The following ERLIN2 variants were observed in gnomAD, a reference collection of about 807,000 sequenced individuals.
ERLIN2 encodes ER lipid raft associated 2, also known as erlin-2.
In ERLIN2, 22 loss-of-function variants were observed where a neutral mutation model predicts 41.5. The observed-to-expected ratio is 0.53, with a 90% confidence interval of 0.38 to 0.76. ERLIN2 has a LOEUF of 0.76. ERLIN2 is among the 30% of genes least tolerant of loss of function. The pLI is 0.00. For missense variants in ERLIN2, 247 were observed against 414.3 expected (o/e 0.60, Z 3.51); for synonymous variants, 149 against 150.9 (o/e 0.99, Z 0.09).
chr8:37,739,394 G>A (rs1038095214), intron 2 of ERLIN2, among the ~76,000 whole-genome samples: 1 of 152,192 alleles, frequency 6.6e-6, no homozygotes, highest in African/African-American at 2.4e-5. Context: ...CATTAGTGCA[G>A]GTAGTTGATA....
chr8:37,741,926 T>C lies in ERLIN2; in HGVS notation c.236+108T>C, dbSNP rs970906732. 2.2e-5 allele frequency: 18 copies of C among 829,070 alleles called. No homozygotes were observed. In the African/African-American group the frequency reaches 3.0e-4, roughly 14 times the overall value. The allele number at this position is 829,070 out of a possible 1,614,324, so 51.4% of individuals were successfully genotyped here. ...AAGGGAGGCACCCTTTCTTGGTTAA[T>C]TCCCTGTCTCGTAGCTCCCTATATT... On this transcript the variant is annotated intron_variant, in intron 4 of 11. Coordinates refer to ENST00000519638, the MANE Select transcript of ERLIN2 (RefSeq NM_007175.8). The surrounding 1 kb of genome is among the most constrained non-coding windows in gnomAD (Gnocchi z 4.8).
chr8:37,756,518 A>G lies in ERLIN2; in HGVS notation c.*2403A>G, dbSNP rs1803363223. 1 of 152,642 alleles carries G rather than the reference A, an allele frequency of 6.6e-6. No homozygotes were observed. Among genetic ancestry groups the G allele is most frequent in the Non-Finnish European group, 1.5e-5 (1 of 68,058 alleles). The allele number at this position is 152,642 out of a possible 1,614,324, so 9.5% of individuals were successfully genotyped here. ...GCACAGAAGAGCCTCAGTAGAGTCA[A>G]GTCCTGCTGCAGCTGCCCCACCCCA... is the stretch of plus-strand genomic sequence containing the variant. On this transcript the variant is annotated 3_prime_UTR_variant, in exon 12 of 12. Transcript: ENST00000519638.
chr8:37,749,594 C>G lies in ERLIN2; in HGVS notation c.460C>G (p.Gln154Glu). The G allele has an allele frequency of 6.2e-7, 1 of 1,613,882 alleles. No homozygotes were observed. Among genetic ancestry groups the G allele is most frequent in the Non-Finnish European group, 8.5e-7 (1 of 1,179,738 alleles). ...TGAAAATCTCAAACTGGCTTTGCAA[C>G]AGGACCTGACCTCCATGGCCCCTGG... is the stretch of plus-strand genomic sequence containing the variant. Reference protein sequence around the residue: ...IDENLKLALQQDLTSMAPGLV... With the variant: ...IDENLKLALQEDLTSMAPGLV... Residue 154 changes from glutamine (Q) to glutamate (E), a missense_variant, in exon 7 of 12, where the codon CAG (glutamine) becomes GAG (glutamate). Coordinates refer to ENST00000519638, the MANE Select transcript of ERLIN2 (RefSeq NM_007175.8).
Position 37,755,570 on chromosome 8 carries a change from C to CCCCCCCCCCCCCA in ERLIN2, c.*1466_*1467insCACCCCCCCCCCC, listed in dbSNP as rs1563319228. On this transcript the variant is annotated 3_prime_UTR_variant, in exon 12 of 12. Transcript: ENST00000519638. ...GCTGACCCCCACCCCCCACCCCCCA[C>CCCCCCCCCCCCCA]CCCCCCCCCCCGCCAACTCCTATAC... 3.2e-4 allele frequency: 2 copies of CCCCCCCCCCCCCA among 6,154 alleles called. No homozygotes were observed. Among genetic ancestry groups the CCCCCCCCCCCCCA allele is most frequent in the Admixed American group, 8.9e-4 (1 of 1,122 alleles). The allele number at this position is 6,154 out of a possible 1,614,324, so 0.4% of individuals were successfully genotyped here. A position where few individuals can be genotyped will look rare whatever the true frequency, so the allele number is the denominator to read the frequency against.
At chr8:37,748,205 G>A (rs1165720081) in intron 6 of ERLIN2, among the ~76,000 whole-genome samples, 1 of 152,206 alleles carries the variant, frequency 6.6e-6, no homozygotes, top group African/African-American at 2.4e-5. Flanking sequence ...TTTCCGGTAA[G>A]CTACTAGCCC....
Position 37,737,942 on chromosome 8 carries a change from T to A in ERLIN2, c.20T>A (p.Val7Asp). The A allele has an allele frequency of 1.9e-6, 3 of 1,614,200 alleles. No individual in the cohort carries two copies. Among genetic ancestry groups the A allele is most frequent in the Non-Finnish European group, 2.5e-6 (3 of 1,180,016 alleles). Residue 7 changes from valine to aspartate, a missense_variant, in exon 2 of 12, where the codon GTT (valine) becomes GAT (aspartate). Physicochemically the swap from Val to Asp is radical, Grantham distance 152. Transcript: ENST00000519638. ...TCACTGATGGCTCAGTTGGGAGCAG[T>A]TGTGGCTGTGGCTTCCAGTTTCTTT... MAQLGA[V>D]VAVASSFFCA... is the part of the protein sequence containing the mutation.
In ERLIN2 at chr8:37,747,957, G is replaced by T. The variant is rs760500284; in HGVS notation, c.425-1602G>T. 2.5e-6 allele frequency: 4 copies of T among 1,614,164 alleles called. No homozygotes were observed. The Admixed American group carries it at 5.0e-5, about 20-fold the overall frequency. The stretch of plus-strand genomic sequence containing the variant: ...TCTCGCCGTCGTCATATTCCTCCCG[G>T]TCCCGAGTGTCAGAGCAGACTACTG... On this transcript the variant is annotated intron_variant, in intron 6 of 11. Transcript: ENST00000519638.
intron 1 of ERLIN2, 53 bp downstream of exon 1, chr8:37,736,731 G>A (rs1205587851): frequency 1.0e-6 from 1 of 985,634 alleles, no homozygotes; most frequent in African/African-American, 1.7e-5. Flanking sequence ...GCCGCTCAGG[G>A]TCGGGGCTGA....
At position 37,740,845 on chromosome 8, in the gene ERLIN2, A is replaced by G. The variant is rs1208490973; in HGVS notation, c.189+399A>G. 2.0e-5 allele frequency: 3 copies of G among 152,756 alleles called. No individual in the cohort carries two copies. In the East Asian group the frequency reaches 5.7e-4, roughly 29 times the overall value. The allele number at this position is 152,756 out of a possible 1,614,324, so 9.5% of individuals were successfully genotyped here. A position where few individuals can be genotyped will look rare whatever the true frequency, so the allele number is the denominator to read the frequency against. On this transcript the variant is annotated intron_variant, in intron 3 of 11. Transcript: ENST00000519638. The stretch of plus-strand genomic sequence containing the variant: ...GAGTGGGGAGGAGTTAAACTAAGTG[A>G]GGGGAGGTGACATCTAAAATAGGAG...
chr8:37,746,847 A>G (rs971881772), intron 6 of ERLIN2, among the ~76,000 whole-genome samples: 1 of 152,232 alleles, frequency 6.6e-6, no homozygotes, highest in Admixed American at 6.5e-5. Flanking sequence ...GAAAGATTCA[A>G]ACCACAACCA....
intron 9 of ERLIN2, among the ~76,000 whole-genome samples, chr8:37,750,719 A>G (rs1389152684): frequency 6.6e-6 from 1 of 151,806 alleles, no homozygotes; most frequent in Non-Finnish European, 1.5e-5. Context: ...CCACCTGTTA[A>G]TTCTTTCTTT....
At chr8:37,738,149 C>A in intron 2 of ERLIN2, 120 bp downstream of exon 2, 1 of 1,148,486 alleles carries the variant, frequency 8.7e-7, no homozygotes, top group Non-Finnish European at 1.3e-6. Context: ...ATAGGGGAGC[C>A]TTTTCAGATG....
intron 6 of ERLIN2, chr8:37,747,495 C>T (rs182623901): frequency 1.2e-6 from 2 of 1,612,326 alleles, no homozygotes; most frequent in African/African-American, 1.3e-5. Flanking sequence ...CTTCCCTAGC[C>T]TCAATCTCCT....
rs984382515 is a variant in ERLIN2, at chr8:37,756,693, GTTTTTA to G, written c.*2583_*2588del. 6.6e-6 allele frequency: 1 copy of G among 152,548 alleles called. No homozygotes were observed. The highest frequency in any genetic ancestry group is 6.5e-5 in the Admixed American group (1 of 15,270). 9.4% of individuals were successfully genotyped at this position (152,548 alleles called of 1,614,324 possible). A position where few individuals can be genotyped will look rare whatever the true frequency, so the allele number is the denominator to read the frequency against. The stretch of plus-strand genomic sequence containing the variant: ...ACAACTAACCTGTCTGTGTAACTTT[GTTTTTA>G]TTTTAACTCTTACTAGAAAATCTAA... On this transcript the variant is annotated 3_prime_UTR_variant, in exon 12 of 12. Transcript: ENST00000519638.
At position 37,749,548 on chromosome 8, in the gene ERLIN2, C is replaced by T. The variant is rs1474715198; in HGVS notation, c.425-11C>T. The T allele has an allele frequency of 1.2e-6, 2 of 1,605,564 alleles. No individual in the cohort carries two copies. The highest frequency in any genetic ancestry group is 1.7e-6 in the Non-Finnish European group (2 of 1,172,208). On this transcript the variant is annotated splice_polypyrimidine_tract_variant and intron_variant, in intron 6 of 11. Coordinates refer to ENST00000519638, the MANE Select transcript of ERLIN2 (RefSeq NM_007175.8). ...AACAACTCCTTTTTCTCCATCTTTT[C>T]TTTATTCCAGATCAGATTGATGAAA...
At chr8:37,743,029 T>G (rs534497081) in intron 4 of ERLIN2, among the ~76,000 whole-genome samples, 78 of 152,236 alleles carry the variant, frequency 5.1e-4, no homozygotes, top group African/African-American at 1.9e-3. Flanking sequence ...TAAACTGGGA[T>G]AGAGTGACAA....
intron 2 of ERLIN2, among the ~76,000 whole-genome samples, chr8:37,739,562 G>A (rs376680019): frequency 6.3e-4 from 95 of 151,038 alleles, no homozygotes; most frequent in African/African-American, 1.8e-3. Flanking sequence ...TGCAACCTCC[G>A]CCTCCCAGGT....
rs2129685710 is a variant in ERLIN2 at position 37,745,299 on chromosome 8, TA to T, written c.424+604del. ...CAGTTCTCAGAACCTTTGTGATTAT[TA>T]TTTTTTTACTCTGTACCTGTAGCAA... On this transcript the variant is annotated intron_variant, in intron 6 of 11. Coordinates refer to ENST00000519638, the MANE Select transcript of ERLIN2 (RefSeq NM_007175.8). 4 of 516,346 alleles carry T rather than the reference TA, an allele frequency of 7.7e-6. No individual in the cohort carries two copies. In the East Asian group the frequency reaches 9.5e-5, roughly 12 times the overall value. The allele number at this position is 516,346 out of a possible 1,614,324, so 32.0% of individuals were successfully genotyped here.
In ERLIN2 at chr8:37,757,676, T is replaced by C. The variant is rs556080372; in HGVS notation, c.*3561T>C. ...GTAAAATGAGTCTTTGTATCTACTT[T>C]TTTATTAAAGTGAAATTTAGCAATA... On this transcript the variant is annotated 3_prime_UTR_variant, in exon 12 of 12. Transcript: ENST00000519638. 1.3e-5 allele frequency: 2 copies of C among 152,362 alleles called. No individual in the cohort carries two copies. The highest frequency in any genetic ancestry group is 3.8e-4 in the East Asian group (2 of 5,196). The allele number at this position is 152,362 out of a possible 1,614,324, so 9.4% of individuals were successfully genotyped here.
Sources: allele counts gnomAD v4.1 joint callset (sites outside exome capture counted in the v4.1 genomes callset), GRCh38; gene constraint gnomAD v4.1.1; non-coding constraint Gnocchi (gnomAD v3.1); transcripts MANE v1.5; gene names NCBI Gene and HGNC (gene_info 2026-07-23, HGNC 2026-07-21).